SATB1: variants seen among roughly 807,000 people sequenced by gnomAD.
SATB1 encodes the protein DNA-binding protein SATB1.
SATB1 carries 11 observed loss-of-function variants against 86.9 expected under a neutral mutation model. The ratio of observed to expected loss-of-function variants is 0.13; its 90% CI spans 0.08 to 0.21. The LOEUF is 0.21. Among genes scored for constraint, SATB1 ranks in the 10% least tolerant of loss-of-function variants. The probability of loss-of-function intolerance (pLI) is 1.00; values close to 1 mark genes in which losing one functional copy is unlikely to be tolerated. For missense variants in SATB1, 551 were observed against 937.6 expected (o/e 0.59, Z 5.39); for synonymous variants, 357 against 357.2 (o/e 1.00, Z 0.01).
intron 3 of SATB1, 152 bp from the exon 4 acceptor site, chr3:18,416,285 A>T (rs1479012987): frequency 3.8e-6 from 2 of 522,630 alleles, no homozygotes; most frequent in Non-Finnish European, 6.3e-6. Context: ...AGGCAGGTCA[A>T]TGAAAATATT....
At chr3:18,368,644 T>TCAC (rs1014509178) in intron 9 of SATB1, among the ~76,000 whole-genome samples, 1 of 152,118 alleles carries the variant, frequency 6.6e-6, no homozygotes, top group Non-Finnish European at 1.5e-5. Context: ...ACAGCAGGAA[T>TCAC]CACCACCACC....
intron 5 of SATB1, among the ~76,000 whole-genome samples, chr3:18,412,048 T>C (rs182181858): frequency 1.1e-4 from 16 of 152,108 alleles, no homozygotes; most frequent in Non-Finnish European, 1.9e-4. Flanking sequence ...CTCGGCTAAC[T>C]GCAACCTCCG....
At chr3:18,402,303 AC>A (rs1205123575) in intron 5 of SATB1, among the ~76,000 whole-genome samples, 1 of 152,086 alleles carries the variant, frequency 6.6e-6, no homozygotes, top group Non-Finnish European at 1.5e-5. Flanking sequence ...TGATCTGATT[AC>A]CCTTAAAATT....
intron 2 of SATB1, among the ~76,000 whole-genome samples, chr3:18,432,669 A>G (rs1378488486): frequency 6.6e-6 from 1 of 151,554 alleles, no homozygotes; most frequent in Non-Finnish European, 1.5e-5. Flanking sequence ...TTGGGCTGAT[A>G]GAAAAAGAGT....
chr3:18,361,575 C>T (rs1694907749), intron 9 of SATB1, among the ~76,000 whole-genome samples: 1 of 152,080 alleles, frequency 6.6e-6, no homozygotes. Flanking sequence ...GGCTGAAAGA[C>T]TGTTATTTGA....
intron 9 of SATB1, among the ~76,000 whole-genome samples, chr3:18,367,957 T>C (rs767922256): frequency 6.6e-6 from 1 of 152,168 alleles, no homozygotes; most frequent in Non-Finnish European, 1.5e-5. Flanking sequence ...TAACATACCT[T>C]CAAGTAGCTG....
upstream of SATB1, among the ~76,000 whole-genome samples, chr3:18,425,819 G>GAGGAGGGGC (rs1458176946): frequency 1.1e-4 from 15 of 136,022 alleles, no homozygotes; most frequent in Non-Finnish European, 1.5e-4. Context: ...GAGTGGGAGG[G>GAGGAGGGGC]AGGAGGGGCA....
At chr3:18,375,780 A>G (rs2125181769) in intron 9 of SATB1, among the ~76,000 whole-genome samples, 1 of 152,278 alleles carries the variant, frequency 6.6e-6, no homozygotes, top group Admixed American at 6.5e-5. Context: ...ACATGTTTTC[A>G]TAAACAGGGT....
At chr3:18,368,742 G>T (rs1368572994) in intron 9 of SATB1, among the ~76,000 whole-genome samples, 4 of 152,102 alleles carry the variant, frequency 2.6e-5, no homozygotes, top group African/African-American at 9.7e-5. Flanking sequence ...TATTTTATTT[G>T]GAGTTAAAAG....
upstream of SATB1, among the ~76,000 whole-genome samples, chr3:18,430,205 A>G (rs568486618): frequency 6.6e-6 from 1 of 152,260 alleles, no homozygotes; most frequent in South Asian, 2.1e-4. Context: ...ACCCTAGAGA[A>G]CTCCTTTAAA....
chr3:18,379,043 A>G (rs191954204), intron 8 of SATB1, among the ~76,000 whole-genome samples: 5 of 152,350 alleles, frequency 3.3e-5, no homozygotes, highest in Admixed American at 3.3e-4. Flanking sequence ...ATGTTTCACA[A>G]TATTAAATAA....
At chr3:18,376,480 T>C (rs1272796328) in intron 9 of SATB1, among the ~76,000 whole-genome samples, 2 of 148,166 alleles carry the variant, frequency 1.3e-5, no homozygotes, top group Non-Finnish European at 3.0e-5. Flanking sequence ...AAAAAAAATG[T>C]AGAATAAGAA....
At chr3:18,381,482 T>C (rs1009920291) in intron 8 of SATB1, among the ~76,000 whole-genome samples, 14 of 152,186 alleles carry the variant, frequency 9.2e-5, no homozygotes, top group Non-Finnish European at 1.8e-4. Flanking sequence ...ATTATGATTG[T>C]CCCATTTTAA....
intron 3 of SATB1, among the ~76,000 whole-genome samples, chr3:18,416,600 G>A (rs2125161787): frequency 6.6e-6 from 1 of 152,180 alleles, no homozygotes; most frequent in East Asian, 1.9e-4. Context: ...CAGTCCATCT[G>A]CTCAAATACG....
At chr3:18,351,141 C>G (rs539504482) in intron 10 of SATB1, 1 of 647,148 alleles carries the variant, frequency 1.5e-6, no homozygotes, top group African/African-American at 1.8e-5. Flanking sequence ...GGTGACAAGT[C>G]CCATGACATG....
chr3:18,365,790 T>C (rs1456509224), intron 9 of SATB1, among the ~76,000 whole-genome samples: 2 of 152,218 alleles, frequency 1.3e-5, no homozygotes, highest in East Asian at 3.9e-4. Flanking sequence ...CTTATGGTTA[T>C]CCAGGGTCCA....
At position 18,352,473 on chromosome 3, in the gene SATB1, A is replaced by G; in HGVS notation, c.1576-278T>C. 2.8e-6 allele frequency: 1 copy of G among 351,910 alleles called. No homozygotes were observed. Among genetic ancestry groups the G allele is most frequent in the East Asian group, 5.3e-5 (1 of 19,012 alleles). The allele number at this position is 351,910 out of a possible 1,614,324, so 21.8% of individuals were successfully genotyped here. A position where few individuals can be genotyped will look rare whatever the true frequency, so the allele number is the denominator to read the frequency against. ...ACAGAGCATTTATCACAGATTTTTT[A>G]ATATATGAAATAGGAGAAAAACAAA... On this transcript the variant is annotated intron_variant, in intron 9 of 10. Transcript: ENST00000338745. The surrounding 1 kb of genome is among the most constrained non-coding windows in gnomAD (Gnocchi z 4.1).
chr3:18,363,705 TC>T (rs548614539), intron 9 of SATB1, among the ~76,000 whole-genome samples: 31 of 152,272 alleles, frequency 2.0e-4, no homozygotes, highest in Non-Finnish European at 3.8e-4. Flanking sequence ...TCTGAATCAT[TC>T]TATCCTCCTA....
intron 9 of SATB1, among the ~76,000 whole-genome samples, chr3:18,368,703 C>A (rs1023209425): frequency 5.9e-5 from 9 of 151,854 alleles, no homozygotes; most frequent in Non-Finnish European, 1.3e-4. Flanking sequence ...AGTCATAAAA[C>A]AAAAATAAAG....
Sources: allele counts gnomAD v4.1 joint callset (sites outside exome capture counted in the v4.1 genomes callset), GRCh38; gene constraint gnomAD v4.1.1; non-coding constraint Gnocchi (gnomAD v3.1); transcripts MANE v1.5; gene names NCBI Gene and HGNC (gene_info 2026-07-23, HGNC 2026-07-21).